The following PDE4D variants were observed in gnomAD, a reference collection of about 807,000 sequenced individuals.
The protein encoded by PDE4D is phosphodiesterase 4D.
PDE4D carries 24 observed loss-of-function variants against 87.4 expected under a neutral mutation model. The observed-to-expected ratio is 0.27, with a 90% CI of 0.20 to 0.39. The LOEUF (loss-of-function observed/expected upper bound fraction) is 0.39, where lower values mean the gene tolerates loss of function less well. Among genes scored for constraint, PDE4D ranks in the 10% least tolerant of loss-of-function variants. PDE4D has a pLI of 1.00. For missense variants in PDE4D, 714 were observed against 1,041.0 expected (o/e 0.69, Z 4.32); for synonymous variants, 384 against 383.2 (o/e 1.00, Z -0.02).
At chr5:59,859,431 C>T (rs1745934723) in intron 1 of PDE4D, among the ~76,000 whole-genome samples, 1 of 152,166 alleles carries the variant, frequency 6.6e-6, no homozygotes, top group Non-Finnish European at 1.5e-5. Context: ...AGGCCTCCGA[C>T]AGAAATCCAT....
chr5:59,341,297 A>G (rs1340765057), intron 1 of PDE4D, among the ~76,000 whole-genome samples: 2 of 152,156 alleles, frequency 1.3e-5, no homozygotes, highest in Admixed American at 6.6e-5. Flanking sequence ...TGTGATTTGA[A>G]TACTTGGTGG....
At chr5:59,135,209 C>A (rs1449444648) in intron 5 of PDE4D, among the ~76,000 whole-genome samples, 1 of 152,192 alleles carries the variant, frequency 6.6e-6, no homozygotes, top group Admixed American at 6.5e-5. Context: ...ATGTGGTAAT[C>A]ATCCAACTAC....
intron 1 of PDE4D, among the ~76,000 whole-genome samples, chr5:59,762,928 A>G (rs1202320534): frequency 4.4e-5 from 6 of 135,712 alleles, no homozygotes; most frequent in Admixed American, 7.5e-5. Context: ...ATGGCATATT[A>G]TGGAGATATA....
chr5:60,465,098 C>T (rs946547875), intron 1 of PDE4D, among the ~76,000 whole-genome samples: 3 of 151,808 alleles, frequency 2.0e-5, no homozygotes, highest in Non-Finnish European at 4.4e-5. Flanking sequence ...GACAGCACAA[C>T]TTCATCTTTA....
At chr5:60,316,857 A>G (rs772506966) in intron 1 of PDE4D, among the ~76,000 whole-genome samples, 3 of 152,122 alleles carry the variant, frequency 2.0e-5, no homozygotes, top group Non-Finnish European at 4.4e-5. Flanking sequence ...CATGGTGGAT[A>G]AGCTTTTGAT....
At chr5:60,184,631 T>C (rs1049991225) in intron 2 of PDE4D, among the ~76,000 whole-genome samples, 33 of 152,220 alleles carry the variant, frequency 2.2e-4, no homozygotes, top group African/African-American at 7.5e-4. Context: ...TTGGGCATAC[T>C]ATACTTTATC....
intron 1 of PDE4D, among the ~76,000 whole-genome samples, chr5:60,288,945 T>C (rs980688923): frequency 1.1e-4 from 16 of 152,198 alleles, no homozygotes; most frequent in African/African-American, 3.9e-4. Context: ...ATCTTATAGA[T>C]TGCTAATTTT....
chr5:60,452,914 C>T (rs1447677720), intron 1 of PDE4D, among the ~76,000 whole-genome samples: 1 of 152,100 alleles, frequency 6.6e-6, no homozygotes, highest in Non-Finnish European at 1.5e-5. Flanking sequence ...TTCTTCCATT[C>T]TCTGTGAGAA....
rs1374318500 is a variant in PDE4D, at chr5:59,419,911, A to C, written c.456-203943T>G. ...ACCCAATGTAAGGCAAAATGTTCAC[A>C]CTCAACAGTTCACCAAAGGAACTGA... On this transcript the variant is annotated intron_variant, in intron 1 of 14. Transcript: ENST00000340635. 2.6e-5 allele frequency among the ~76,000 whole-genome samples: 4 copies of C among 152,208 alleles called. No individual in the cohort carries two copies. The East Asian group carries it at 7.7e-4, about 29-fold the overall frequency.
At chr5:59,179,652 T>A in intron 5 of PDE4D, 1 of 463,836 alleles carries the variant, frequency 2.2e-6, no homozygotes, top group South Asian at 1.6e-5. Flanking sequence ...CATGATAAAG[T>A]TAAATTTCAA....
chr5:59,250,421 A>C (rs944158465), intron 1 of PDE4D, among the ~76,000 whole-genome samples: 2 of 150,920 alleles, frequency 1.3e-5, no homozygotes, highest in African/African-American at 4.9e-5. Flanking sequence ...TAAGCATGGG[A>C]GGTCAAAGCT....
chr5:59,263,605 A>G (rs911239961), intron 1 of PDE4D, among the ~76,000 whole-genome samples: 1 of 151,974 alleles, frequency 6.6e-6, no homozygotes, highest in Non-Finnish European at 1.5e-5. Flanking sequence ...TTGTATCTCA[A>G]ACAAAAGTTT....
At chr5:59,613,134 T>C (rs1210014148) in intron 1 of PDE4D, among the ~76,000 whole-genome samples, 2 of 152,092 alleles carry the variant, frequency 1.3e-5, no homozygotes, top group Non-Finnish European at 2.9e-5. Flanking sequence ...GGAACCAAGC[T>C]GGTTGCCATG....
At chr5:60,139,425 A>G (rs1371033803) in intron 2 of PDE4D, among the ~76,000 whole-genome samples, 1 of 152,150 alleles carries the variant, frequency 6.6e-6, no homozygotes, top group Non-Finnish European at 1.5e-5. Context: ...AGTAGTTTCA[A>G]TGAAAATCCC....
At chr5:59,376,129 G>A (rs1784692572) in intron 1 of PDE4D, among the ~76,000 whole-genome samples, 1 of 152,164 alleles carries the variant, frequency 6.6e-6, no homozygotes, top group African/African-American at 2.4e-5. Flanking sequence ...ATGGGCACAA[G>A]ACAAGGATGC....
chr5:59,762,725 T>C (rs1437056498), intron 1 of PDE4D, among the ~76,000 whole-genome samples: 1 of 148,118 alleles, frequency 6.8e-6, no homozygotes, highest in Non-Finnish European at 1.5e-5. Flanking sequence ...TAGGTTCATA[T>C]AGGTATATAT....
intron 1 of PDE4D, among the ~76,000 whole-genome samples, chr5:59,537,710 G>A (rs1815528518): frequency 6.6e-6 from 1 of 152,094 alleles, no homozygotes; most frequent in East Asian, 1.9e-4. Flanking sequence ...CAAACAGGTG[G>A]CCTTCCACTT....
rs115937861 is a variant in PDE4D at position 59,131,263 on chromosome 5, C to T, written c.808+49332G>A. 6.8e-3 allele frequency among the ~76,000 whole-genome samples: 1,028 copies of T among 152,196 alleles called. 22 individuals are homozygous for T. Among genetic ancestry groups the T allele is most frequent in the African/African-American group, 0.023 (970 of 41,516 alleles). On this transcript the variant is annotated intron_variant, in intron 5 of 14. Transcript: ENST00000340635. Reference sequence around the variant, plus strand: ...ATCATACATTTTGTTTTTCTTTCCCCTACTAGAGTATAAGGTAGAAATTGT... The same window carrying T: ...ATCATACATTTTGTTTTTCTTTCCCTTACTAGAGTATAAGGTAGAAATTGT...
At chr5:60,484,450 C>T (rs1748976584) in intron 1 of PDE4D, among the ~76,000 whole-genome samples, 1 of 152,128 alleles carries the variant, frequency 6.6e-6, no homozygotes, top group Non-Finnish European at 1.5e-5. Flanking sequence ...ATATCTGATA[C>T]TTTCCATTTT....
Sources: gnomAD v4.1 joint callset for allele counts (sites outside exome capture counted in the v4.1 genomes callset) on GRCh38, gnomAD v4.1.1 for gene constraint, MANE v1.5 for transcripts, NCBI Gene and HGNC (gene_info 2026-07-23, HGNC 2026-07-21) for gene names.